The following RFESD variants were observed in gnomAD, a reference collection of about 807,000 sequenced individuals.
The protein encoded by RFESD is Rieske Fe-S domain containing.
A neutral mutation model predicts 24.4 loss-of-function variants in RFESD; 16 were observed. That is an observed-to-expected ratio of 0.66 (90% CI 0.44 to 1.00). The LOEUF (loss-of-function observed/expected upper bound fraction) is 1.00, where lower values mean the gene tolerates loss of function less well. RFESD is among the 50% of genes least tolerant of loss of function. The pLI is 0.00. For synonymous variants in RFESD, 59 were observed against 81.8 expected, an observed-to-expected ratio of 0.72 and a Z score of 1.50; for missense variants, 208 against 247.0, an observed-to-expected ratio of 0.84 and a Z score of 1.06.
At position 95,653,100 on chromosome 5, in the gene RFESD, AT is replaced by A. The variant is rs1750458980; in HGVS notation, c.61-14del. 1 of 1,551,004 alleles carries A rather than the reference AT, an allele frequency of 6.4e-7. No individual in the cohort carries two copies. Among genetic ancestry groups the A allele is most frequent in the Non-Finnish European group, 8.7e-7 (1 of 1,146,862 alleles). ...ACTTTTCTTTCCTTCAGGCTTTTGT[AT>A]TTGCTCTTCTTTCAGTATGGAATTC... On this transcript the variant is annotated splice_polypyrimidine_tract_variant and intron_variant, in intron 2 of 5. Transcript: ENST00000380005.
intron 1 of RFESD, 83 bp downstream of exon 1, chr5:95,646,900 C>T (rs1293858513): frequency 6.6e-6 from 1 of 152,402 alleles, no homozygotes; most frequent in Non-Finnish European, 1.5e-5. Flanking sequence ...ACTCCTCATT[C>T]CGGCTGTGGC....
chr5:95,653,543 C>T (rs1750493666), intron 3 of RFESD, among the ~76,000 whole-genome samples: 1 of 152,222 alleles, frequency 6.6e-6, no homozygotes, highest in African/African-American at 2.4e-5. Context: ...GAGGAATCCT[C>T]CCTAATTTTG....
Position 95,657,274 on chromosome 5 carries a change from C to G in RFESD, c.*965C>G, listed in dbSNP as rs546684597. The stretch of plus-strand genomic sequence containing the variant: ...TTGGTTCACCCTGGTTTTATCATGT[C>G]AGTTATTTATGGTCAGTACCATTCA... On this transcript the variant is annotated 3_prime_UTR_variant, in exon 6 of 6. Coordinates refer to ENST00000380005, the MANE Select transcript of RFESD (RefSeq NM_001131066.2). The G allele has an allele frequency of 6.6e-6, 1 of 152,084 alleles. No homozygotes were observed. Among genetic ancestry groups the G allele is most frequent in the South Asian group, 2.1e-4 (1 of 4,808 alleles). The allele number at this position is 152,084 out of a possible 1,614,324, so 9.4% of individuals were successfully genotyped here. A position where few individuals can be genotyped will look rare whatever the true frequency, so the allele number is the denominator to read the frequency against.
In RFESD at chr5:95,656,077, C is replaced by A. The variant is rs141135045; in HGVS notation, c.401C>A (p.Pro134His). The change falls in exon 6 of 6, where the codon CCC (proline) becomes CAC (histidine). Residue 134 changes from proline to histidine, a missense_variant. Pro to His is a moderately conservative substitution (Grantham distance 77). Transcript: ENST00000380005. ...DFDGRPCIVC[P>H]WHKYKITLAT... Reference sequence around the variant, plus strand: ...GATGGACGACCGTGTATAGTTTGCCCCTGGCATAAATACAAAATTACTTTG... The same window carrying A: ...GATGGACGACCGTGTATAGTTTGCCACTGGCATAAATACAAAATTACTTTG... 1 of 1,613,506 alleles carries A rather than the reference C, an allele frequency of 6.2e-7. No homozygotes were observed. Among genetic ancestry groups the A allele is most frequent in the African/African-American group, 1.3e-5 (1 of 74,986 alleles).
At chr5:95,652,369 G>A in intron 2 of RFESD, 38 bp downstream of exon 2, 2 of 1,543,804 alleles carry the variant, frequency 1.3e-6, no homozygotes, top group Non-Finnish European at 8.8e-7. Flanking sequence ...AAACTCCCCA[G>A]TTTTTCTCTC....
intron 1 of RFESD, among the ~76,000 whole-genome samples, chr5:95,650,703 G>A (rs1750280905): frequency 6.6e-6 from 1 of 152,152 alleles, no homozygotes. Flanking sequence ...AAGTCACTTG[G>A]CACTTCCATG....
In RFESD at chr5:95,656,880, A is replaced by G. The variant is rs1750794116; in HGVS notation, c.*571A>G. The G allele has an allele frequency of 1.3e-5, 2 of 152,222 alleles. No homozygotes were observed. Among genetic ancestry groups the G allele is most frequent in the African/African-American group, 4.8e-5 (2 of 41,426 alleles). The allele number at this position is 152,222 out of a possible 1,614,324, so 9.4% of individuals were successfully genotyped here. Reference sequence around the variant, plus strand: ...AAAGTTTAAATACATTGAAATGTTCACCTCTGAACTGTGCAACCTTCCTAA... The same window carrying G: ...AAAGTTTAAATACATTGAAATGTTCGCCTCTGAACTGTGCAACCTTCCTAA... On this transcript the variant is annotated 3_prime_UTR_variant, in exon 6 of 6. Transcript: ENST00000380005.
chr5:95,654,514 T>C (rs1449073348), intron 5 of RFESD, 147 bp downstream of exon 5: 22 of 641,204 alleles, frequency 3.4e-5, no homozygotes, highest in Non-Finnish European at 2.2e-5. Context: ...AATATGCTTA[T>C]CTTTTGACCT....
chr5:95,654,137 A>T lies in RFESD; in HGVS notation c.235A>T (p.Ile79Phe). ...TGTGTGTGTGGGCAGAGAAGATGACATTAAAAAATCTGAAAGAATGACAGC... is the reference window on the plus strand; with the variant it reads ...TGTGTGTGTGGGCAGAGAAGATGACTTTAAAAAATCTGAAAGAATGACAGC... The part of the protein sequence containing the change: ...SSVCVGREDD[I>F]KKSERMTAVV... The change falls in exon 4 of 6, where the codon ATT (isoleucine) becomes TTT (phenylalanine). Residue 79 changes from isoleucine (I) to phenylalanine (F), a missense_variant. Ile to Phe is a conservative substitution (Grantham distance 21, BLOSUM62 0). Coordinates refer to ENST00000380005, the MANE Select transcript of RFESD (RefSeq NM_001131066.2). The T allele has an allele frequency of 6.2e-7, 1 of 1,612,316 alleles. No homozygotes were observed. The highest frequency in any genetic ancestry group is 8.5e-7 in the Non-Finnish European group (1 of 1,179,698).
intron 1 of RFESD, among the ~76,000 whole-genome samples, chr5:95,650,813 A>G (rs962879545): frequency 1.3e-5 from 2 of 152,122 alleles, no homozygotes; most frequent in African/African-American, 4.8e-5. Flanking sequence ...AAGAAGTTGG[A>G]TAGGGCCGGG....
rs764027996 is a variant in RFESD at position 95,656,183 on chromosome 5, G to A, written c.507G>A (p.Lys169=). Residue 169 remains lysine, a synonymous_variant, in exon 6 of 6, where the codon AAG becomes AAA. Transcript: ENST00000380005. ...AKPKWCSKGI[K]QRIHTVTVDN... ...CCAAGTGGTGCTCCAAAGGAATAAAGCAAAGGATTCACACAGTGACAGTAG... is the reference window on the plus strand; with the variant it reads ...CCAAGTGGTGCTCCAAAGGAATAAAACAAAGGATTCACACAGTGACAGTAG... The A allele has an allele frequency of 6.2e-6, 10 of 1,613,948 alleles. No homozygotes were observed. Among genetic ancestry groups the A allele is most frequent in the African/African-American group, 4.0e-5 (3 of 74,934 alleles).
At position 95,652,207 on chromosome 5, in the gene RFESD, T is replaced by C. The variant is rs1750378596; in HGVS notation, c.-65T>C. The stretch of plus-strand genomic sequence containing the variant: ...AAGCTGTGAATGAATTTCATTTGAT[T>C]AGCAATAGATTGGACACTCTACTGA... On this transcript the variant is annotated 5_prime_UTR_variant, in exon 2 of 6. Transcript: ENST00000380005. 1 of 1,493,946 alleles carries C rather than the reference T, an allele frequency of 6.7e-7. No homozygotes were observed. Among genetic ancestry groups the C allele is most frequent in the Non-Finnish European group, 9.0e-7 (1 of 1,110,860 alleles). 92.5% of individuals were successfully genotyped at this position (1,493,946 alleles called of 1,614,324 possible).
At position 95,657,114 on chromosome 5, in the gene RFESD, A is replaced by G. The variant is rs1750807568; in HGVS notation, c.*805A>G. Reference sequence around the variant, plus strand: ...AATGTTCTTTGAATGCCTATATGAAATTTTCAAATAAAGATTTTTAAAAAC... The same window carrying G: ...AATGTTCTTTGAATGCCTATATGAAGTTTTCAAATAAAGATTTTTAAAAAC... On this transcript the variant is annotated 3_prime_UTR_variant, in exon 6 of 6. Coordinates refer to ENST00000380005, the MANE Select transcript of RFESD (RefSeq NM_001131066.2). 6.6e-6 allele frequency: 1 copy of G among 152,088 alleles called. No individual in the cohort carries two copies. Among genetic ancestry groups the G allele is most frequent in the African/African-American group, 2.4e-5 (1 of 41,416 alleles). The allele number at this position is 152,088 out of a possible 1,614,324, so 9.4% of individuals were successfully genotyped here.
intron 1 of RFESD, among the ~76,000 whole-genome samples, chr5:95,648,239 T>C (rs1381147477): frequency 6.6e-6 from 1 of 152,236 alleles, no homozygotes; most frequent in African/African-American, 2.4e-5. Context: ...TATATGGAGT[T>C]AGCACCTTTA....
At chr5:95,648,030 A>G (rs1750176347) in intron 1 of RFESD, 1 of 152,238 alleles carries the variant, frequency 6.6e-6, no homozygotes, top group African/African-American at 2.4e-5. Flanking sequence ...CAAAGTTTCC[A>G]CACTTGGTAA....
chr5:95,651,444 G>A (rs1180229373), intron 1 of RFESD, among the ~76,000 whole-genome samples: 2 of 152,144 alleles, frequency 1.3e-5, no homozygotes, highest in African/African-American at 2.4e-5. Context: ...GCCCAGGCTG[G>A]AGTACAGTGG....
At position 95,646,820 on chromosome 5, in the gene RFESD, A is replaced by G. The variant is rs1323404238; in HGVS notation, c.-136+3A>G. The G allele has an allele frequency of 6.6e-6, 1 of 152,290 alleles. No homozygotes were observed. Among genetic ancestry groups the G allele is most frequent in the Non-Finnish European group, 1.5e-5 (1 of 68,154 alleles). 9.4% of individuals were successfully genotyped at this position (152,290 alleles called of 1,614,324 possible). A position where few individuals can be genotyped will look rare whatever the true frequency, so the allele number is the denominator to read the frequency against. On this transcript the variant is annotated splice_donor_region_variant and intron_variant, in intron 1 of 5. Coordinates refer to ENST00000380005, the MANE Select transcript of RFESD (RefSeq NM_001131066.2). ...GGCGGAGCGAGGACTCGGGGACAGTAAGTTCTGTTCTCGCCGCGCAGGGGG... is the reference window on the plus strand; with the variant it reads ...GGCGGAGCGAGGACTCGGGGACAGTGAGTTCTGTTCTCGCCGCGCAGGGGG...
At chr5:95,646,913 C>A (rs1331826526) in intron 1 of RFESD, 96 bp downstream of exon 1, 1 of 152,404 alleles carries the variant, frequency 6.6e-6, no homozygotes, top group Non-Finnish European at 1.5e-5. Context: ...GCTGTGGCCG[C>A]GCCGCTGCGG....
chr5:95,652,939 T>C, intron 2 of RFESD, 178 bp from the exon 3 acceptor site: 1 of 787,126 alleles, frequency 1.3e-6, no homozygotes, highest in Non-Finnish European at 1.9e-6. Context: ...CAATTCACAC[T>C]TTCCTGCTTT....
Sources: allele counts gnomAD v4.1 joint callset (sites outside exome capture counted in the v4.1 genomes callset), GRCh38; gene constraint gnomAD v4.1.1; transcripts MANE v1.5; gene names NCBI Gene and HGNC (gene_info 2026-07-23, HGNC 2026-07-21).